Variants in CCDC68 observed in about 807,000 individuals in gnomAD.
CCDC68 encodes coiled-coil domain containing 68, also known as coiled-coil domain-containing protein 68.
In CCDC68, 45 loss-of-function variants were observed where a neutral mutation model predicts 47.1. The ratio of observed to expected loss-of-function variants is 0.96; its 90% CI spans 0.75 to 1.23. The LOEUF (loss-of-function observed/expected upper bound fraction) is 1.23. CCDC68 is among the 50% of genes most tolerant of loss of function. CCDC68 has a pLI of 0.00. For missense variants in CCDC68, 353 were observed against 373.6 expected, an observed-to-expected ratio of 0.94 and a Z score of 0.45; for synonymous variants, 131 against 129.5, an observed-to-expected ratio of 1.01 and a Z score of -0.08.
At chr18:54,935,656 C>T (rs544449551) in intron 6 of CCDC68, among the ~76,000 whole-genome samples, 1 of 152,110 alleles carries the variant, frequency 6.6e-6, no homozygotes, top group African/African-American at 2.4e-5. Flanking sequence ...CACCCTCATC[C>T]GCTTCCCGCT....
At chr18:54,944,903 T>C (rs117998373) in intron 2 of CCDC68, among the ~76,000 whole-genome samples, 4,211 of 152,270 alleles carry the variant, frequency 0.028, 102 homozygotes, top group Non-Finnish European at 0.04. Flanking sequence ...TCTTAAGAGA[T>C]ACAGGACCAA....
chr18:54,936,905 T>C lies in CCDC68; in HGVS notation c.399A>G (p.Arg133=). The C allele has an allele frequency of 1.9e-6, 3 of 1,614,158 alleles. No individual in the cohort carries two copies. Among genetic ancestry groups the C allele is most frequent in the African/African-American group, 2.7e-5 (2 of 75,040 alleles). ...ATTGCGTTTGGTAGTTTTCAAATAA[T>C]CTCTGGGCCACGTTTCTCAGAGCTG... ...GAAALRNVAQ[R]LFENYQTQSE... Residue 133 remains arginine (R), a synonymous_variant, in exon 6 of 12, where the codon AGA becomes AGG. Coordinates refer to ENST00000591504, the MANE Select transcript of CCDC68 (RefSeq NM_025214.3).
chr18:54,955,329 A>C (rs142747879), intron 1 of CCDC68, among the ~76,000 whole-genome samples: 54 of 151,828 alleles, frequency 3.6e-4, no homozygotes, highest in African/African-American at 1.3e-3. Flanking sequence ...CGTCTTGAAA[A>C]ACACACACAC....
chr18:54,926,804 CTCTATAATT>C (rs1367256206), intron 8 of CCDC68, among the ~76,000 whole-genome samples: 4 of 152,144 alleles, frequency 2.6e-5, no homozygotes, highest in African/African-American at 9.7e-5. Flanking sequence ...AATCTCCGAG[CTCTATAATT>C]TCTGAGAGAT....
intron 1 of CCDC68, among the ~76,000 whole-genome samples, chr18:54,946,435 T>C (rs937068695): frequency 6.6e-6 from 1 of 152,218 alleles, no homozygotes; most frequent in Non-Finnish European, 1.5e-5. Context: ...TTTGTTTTTT[T>C]CCTCCAGTAC....
At chr18:54,906,858 A>C (rs76423456) in intron 11 of CCDC68, among the ~76,000 whole-genome samples, 5,235 of 152,304 alleles carry the variant, frequency 0.034, 128 homozygotes, top group Middle Eastern at 0.085. Context: ...GAATCATAAT[A>C]GTTTCATCTC....
rs145325225 is a variant in CCDC68 at position 54,938,004 on chromosome 18, G to A, written c.298C>T (p.Leu100=). The A allele has an allele frequency of 3.1e-6, 5 of 1,613,028 alleles. No individual in the cohort carries two copies. In the African/African-American group the frequency reaches 4.0e-5, roughly 13 times the overall value. ...TCTTTGTTCATTTCTAAGAGCTGTA[G>A]GTCTTTTCCTTTTATCTTTTTCATA... The part of the protein sequence containing the change: ...LLMKKIKGKD[L]QLLEMNKENE... Residue 100 remains leucine (L), a synonymous_variant, in exon 5 of 12, where the codon CTA becomes TTA. Transcript: ENST00000591504.
At chr18:54,910,234 T>C (rs1455052381) in intron 10 of CCDC68, among the ~76,000 whole-genome samples, 1 of 152,148 alleles carries the variant, frequency 6.6e-6, no homozygotes, top group African/African-American at 2.4e-5. Flanking sequence ...GTAGCTCCTC[T>C]CTACAGCTGG....
intron 10 of CCDC68, among the ~76,000 whole-genome samples, chr18:54,909,380 CTTTTTTTT>C (rs5825105): frequency 8.0e-6 from 1 of 125,576 alleles, no homozygotes. Flanking sequence ...TATTTTCTTT[CTTTTTTTT>C]TTTTTTTTTT....
At chr18:54,921,234 T>C (rs1412529917) in intron 8 of CCDC68, among the ~76,000 whole-genome samples, 1 of 152,156 alleles carries the variant, frequency 6.6e-6, no homozygotes, top group East Asian at 1.9e-4. Context: ...AAAAACTACC[T>C]GAGTGCTATG....
In CCDC68 at chr18:54,925,381, A is replaced by G. The variant is rs137955205; in HGVS notation, c.683+3419T>C. 1.7e-3 allele frequency among the ~76,000 whole-genome samples: 262 copies of G among 152,308 alleles called. 1 individual carries two copies. In the South Asian group the frequency reaches 0.024, roughly 14 times the overall value. ...CACAAAGGGCATGAATAGCCTGAGC[A>G]TGGCCATATTTACACAACTCAAGAA... On this transcript the variant is annotated intron_variant, in intron 8 of 11. Transcript: ENST00000591504.
intron 1 of CCDC68, among the ~76,000 whole-genome samples, chr18:54,958,797 A>G (rs888308681): frequency 4.0e-4 from 61 of 152,298 alleles, no homozygotes; most frequent in African/African-American, 1.5e-3. Flanking sequence ...GCTACTCAAC[A>G]TTAAGGAAAA....
intron 3 of CCDC68, 90 bp downstream of exon 3, chr18:54,942,585 C>A: frequency 1.3e-6 from 1 of 773,088 alleles, no homozygotes; most frequent in Middle Eastern, 2.4e-4. Context: ...TACATATGTT[C>A]TATGGAGAGG....
At chr18:54,953,790 T>C (rs2044661909) in intron 1 of CCDC68, among the ~76,000 whole-genome samples, 1 of 152,166 alleles carries the variant, frequency 6.6e-6, no homozygotes, top group South Asian at 2.1e-4. Flanking sequence ...ATAAGAATAT[T>C]TCCAACAAGC....
chr18:54,957,610 TACACAC>T (rs372257090), intron 1 of CCDC68, among the ~76,000 whole-genome samples: 2 of 141,548 alleles, frequency 1.4e-5, no homozygotes, highest in African/African-American at 5.4e-5. Flanking sequence ...TAAAACAATG[TACACAC>T]ACACACACAC....
chr18:54,907,978 C>T, intron 10 of CCDC68, 116 bp from the exon 11 acceptor site: 1 of 670,636 alleles, frequency 1.5e-6, no homozygotes, highest in Non-Finnish European at 2.7e-6. Context: ...TTTGTTATTG[C>T]AGTTATGCTA....
chr18:54,923,798 A>ACTGCAACCTCCG (rs1568142547), intron 8 of CCDC68, among the ~76,000 whole-genome samples: 153 of 151,962 alleles, frequency 1.0e-3, no homozygotes, highest in African/African-American at 3.6e-3. Flanking sequence ...TGCAACCTCC[A>ACTGCAACCTCCG]GCTCCTGGGT....
At chr18:54,922,486 T>G (rs1021028839) in intron 8 of CCDC68, among the ~76,000 whole-genome samples, 2 of 152,166 alleles carry the variant, frequency 1.3e-5, no homozygotes, top group Non-Finnish European at 1.5e-5. Flanking sequence ...GCTGCGAACA[T>G]GCAGAGGATG....
intron 2 of CCDC68, among the ~76,000 whole-genome samples, chr18:54,944,065 A>G (rs2044481228): frequency 6.6e-6 from 1 of 152,176 alleles, no homozygotes; most frequent in East Asian, 1.9e-4. Context: ...AAGCACAAGA[A>G]TCACTTGAAC....
Sources: gnomAD v4.1 joint callset for allele counts (sites outside exome capture counted in the v4.1 genomes callset) on GRCh38, gnomAD v4.1.1 for gene constraint, MANE v1.5 for transcripts, NCBI Gene and HGNC (gene_info 2026-07-23, HGNC 2026-07-21) for gene names.